The following SLC1A6 variants were observed in gnomAD, a reference collection of about 807,000 sequenced individuals.
SLC1A6 encodes the protein solute carrier family 1 member 6, also known as excitatory amino acid transporter 4.
A neutral mutation model predicts 42.1 loss-of-function variants in SLC1A6; 15 were observed. That is an observed-to-expected ratio of 0.36 (90% CI 0.24 to 0.55). The LOEUF is 0.55. Ranked by LOEUF, SLC1A6 falls within the 20% of genes least tolerant of loss-of-function variation. The pLI is 0.88. For synonymous variants in SLC1A6, 317 were observed against 319.7 expected (o/e 0.99, Z 0.09); for missense variants, 542 against 772.5 (o/e 0.70, Z 3.54).
intron 2 of SLC1A6, 72 bp downstream of exon 2, chr19:14,972,634 G>A: frequency 1.5e-6 from 2 of 1,307,354 alleles, no homozygotes; most frequent in Non-Finnish European, 2.2e-6. Context: ...AAAGAGATGT[G>A]TAGAGGCCAG....
In SLC1A6 at chr19:14,962,157, A is replaced by C; in HGVS notation, c.780T>G (p.Pro260=). The C allele has an allele frequency of 6.2e-7, 1 of 1,614,230 alleles. No homozygotes were observed. Among genetic ancestry groups the C allele is most frequent in the Non-Finnish European group, 8.5e-7 (1 of 1,180,028 alleles). Residue 260 remains proline, a synonymous_variant, in exon 6 of 10, where the codon CCT becomes CCG. Transcript: ENST00000594383. ...MLSFEETVPV[P]GSANGINALG... is the part of the protein sequence containing the mutation. ...GGGCGTTGATGCCATTGGCGGAGCCAGGCACGGGTACAGTCTCCTCAAAGC... is the reference window on the plus strand; with the variant it reads ...GGGCGTTGATGCCATTGGCGGAGCCCGGCACGGGTACAGTCTCCTCAAAGC...
intron 3 of SLC1A6, among the ~76,000 whole-genome samples, chr19:14,969,871 C>T (rs1193083324): frequency 6.6e-6 from 1 of 152,166 alleles, no homozygotes; most frequent in South Asian, 2.1e-4. Flanking sequence ...ATGGCAGAAT[C>T]GAGTACAATT....
At chr19:14,985,701 C>T (rs186989370) in intron 1 of SLC1A6, among the ~76,000 whole-genome samples, 22 of 152,332 alleles carry the variant, frequency 1.4e-4, no homozygotes, top group Admixed American at 6.5e-4. Flanking sequence ...ACTTGGCTCA[C>T]GCCTATAATC....
intron 6 of SLC1A6, among the ~76,000 whole-genome samples, chr19:14,960,489 A>G (rs2045499692): frequency 1.3e-5 from 2 of 152,214 alleles, no homozygotes; most frequent in Non-Finnish European, 2.9e-5. Flanking sequence ...GAGAATGAAT[A>G]AGTGAATAAA....
intron 9 of SLC1A6, among the ~76,000 whole-genome samples, chr19:14,952,288 T>A (rs1329111692): frequency 7.7e-5 from 10 of 129,682 alleles, no homozygotes; most frequent in Non-Finnish European, 9.8e-5. Flanking sequence ...AAAAAAAAAA[T>A]AACAAATCCC....
chr19:14,965,675 C>T (rs1016819466), intron 4 of SLC1A6, among the ~76,000 whole-genome samples: 4 of 151,932 alleles, frequency 2.6e-5, no homozygotes, highest in East Asian at 3.9e-4. Flanking sequence ...CATGATGAAA[C>T]GCTGTCTCTA....
chr19:15,007,605 C>A (rs2045902116), intron 1 of SLC1A6, among the ~76,000 whole-genome samples: 1 of 152,104 alleles, frequency 6.6e-6, no homozygotes, highest in South Asian at 2.1e-4. Context: ...CCATCCGTTT[C>A]TTTATCCTAT....
chr19:14,986,031 T>C (rs962909604), intron 1 of SLC1A6, among the ~76,000 whole-genome samples: 1 of 150,752 alleles, frequency 6.6e-6, no homozygotes, highest in Non-Finnish European at 1.5e-5. Flanking sequence ...GGTTTGTCTG[T>C]CTAAAAATGG....
At chr19:15,008,570 G>A (rs1308362239) in intron 1 of SLC1A6, among the ~76,000 whole-genome samples, 4 of 151,980 alleles carry the variant, frequency 2.6e-5, no homozygotes, top group Non-Finnish European at 5.9e-5. Flanking sequence ...TATACCTAAA[G>A]GAAGAGAAAT....
chr19:14,962,526 A>G (rs2045526140), intron 5 of SLC1A6, among the ~76,000 whole-genome samples, 181 bp from the exon 6 acceptor site: 2 of 152,208 alleles, frequency 1.3e-5, no homozygotes, highest in South Asian at 4.1e-4. Context: ...TGAGTGAATG[A>G]ATGACTTGAA....
At chr19:14,960,642 A>T (rs1354873395) in intron 6 of SLC1A6, among the ~76,000 whole-genome samples, 3 of 152,206 alleles carry the variant, frequency 2.0e-5, no homozygotes, top group Non-Finnish European at 4.4e-5. Flanking sequence ...AACCTGGAGG[A>T]CATTATGCTA....
In SLC1A6 at chr19:14,962,365, C is replaced by T. The variant is rs374536552; in HGVS notation, c.592-20G>A. The T allele has an allele frequency of 8.9e-6, 14 of 1,580,416 alleles. No homozygotes were observed. The highest frequency in any genetic ancestry group is 5.4e-5 in the African/African-American group (4 of 74,120). ...CTTGAACTGAAATAGAGAGAGATTG[C>T]GCCCAGATTCAATTCAGCGGATGCA... On this transcript the variant is annotated intron_variant, in intron 5 of 9. Transcript: ENST00000594383.
chr19:14,988,654 C>A (rs1026261749), intron 1 of SLC1A6, among the ~76,000 whole-genome samples: 1 of 152,192 alleles, frequency 6.6e-6, no homozygotes, highest in African/African-American at 2.4e-5. Flanking sequence ...AGAATGAAAT[C>A]ATGTCTGTTG....
chr19:14,987,265 G>A (rs192493077), intron 1 of SLC1A6, among the ~76,000 whole-genome samples: 80 of 152,046 alleles, frequency 5.3e-4, no homozygotes, highest in Non-Finnish European at 9.4e-4. Context: ...TCAGGAGATC[G>A]AGACCAGCCT....
upstream of SLC1A6, among the ~76,000 whole-genome samples, chr19:14,981,772 C>T (rs754313982): frequency 2.0e-5 from 3 of 152,234 alleles, no homozygotes; most frequent in Non-Finnish European, 4.4e-5. Context: ...AACCATAACT[C>T]AAGCCTAAGC....
chr19:14,991,858 G>T (rs1248309620), intron 1 of SLC1A6, among the ~76,000 whole-genome samples: 2 of 146,320 alleles, frequency 1.4e-5, no homozygotes, highest in Non-Finnish European at 3.0e-5. Context: ...TTTTTTTCTA[G>T]AGGGAGTCTT....
At chr19:14,994,707 A>T (rs2045836713) in intron 1 of SLC1A6, among the ~76,000 whole-genome samples, 1 of 152,226 alleles carries the variant, frequency 6.6e-6, no homozygotes. Context: ...GGAAAAGTCA[A>T]GCTGGGAGCT....
intron 6 of SLC1A6, among the ~76,000 whole-genome samples, chr19:14,960,707 G>A (rs1025465340): frequency 6.6e-6 from 1 of 152,084 alleles, no homozygotes; most frequent in African/African-American, 2.4e-5. Context: ...ACTTATCTGT[G>A]GAATCTAAAC....
chr19:14,958,632 A>G (rs537845081), intron 6 of SLC1A6, among the ~76,000 whole-genome samples: 3 of 152,200 alleles, frequency 2.0e-5, no homozygotes, highest in East Asian at 3.9e-4. Flanking sequence ...ATCCACCTCT[A>G]TGCTTACTCT....
Sources: allele counts gnomAD v4.1 joint callset (sites outside exome capture counted in the v4.1 genomes callset), GRCh38; gene constraint gnomAD v4.1.1; transcripts MANE v1.5; gene names NCBI Gene and HGNC (gene_info 2026-07-23, HGNC 2026-07-21).